LIG3: variants seen among roughly 807,000 people sequenced by gnomAD.
LIG3 encodes ligase II, DNA, ATP-dependent.
A neutral mutation model predicts 110.9 loss-of-function variants in LIG3; 58 were observed. That is an observed-to-expected ratio of 0.52 (90% CI 0.42 to 0.65). The LOEUF is 0.65. LIG3 is among the 30% of genes least tolerant of loss of function. LIG3 has a pLI of 0.00. For synonymous variants in LIG3, 422 were observed against 472.8 expected, an observed-to-expected ratio of 0.89 and a Z score of 1.39; for missense variants, 1,094 against 1,273.8, an observed-to-expected ratio of 0.86 and a Z score of 2.15.
intron 10 of LIG3, 164 bp from the exon 11 acceptor site, chr17:34,996,410 T>A: frequency 1.3e-6 from 1 of 785,428 alleles, no homozygotes; most frequent in Non-Finnish European, 2.0e-6. Context: ...TGGTTTCCAT[T>A]TAGCACTATC....
chr17:35,004,695 C>G lies in LIG3; in HGVS notation c.*189C>G. The G allele has an allele frequency of 1.7e-6, 1 of 581,158 alleles. No homozygotes were observed. Among genetic ancestry groups the G allele is most frequent in the Non-Finnish European group, 3.1e-6 (1 of 326,680 alleles). 36.0% of individuals were successfully genotyped at this position (581,158 alleles called of 1,614,324 possible). On this transcript the variant is annotated 3_prime_UTR_variant, in exon 20 of 20. Coordinates refer to ENST00000378526, the MANE Select transcript of LIG3 (RefSeq NM_013975.4). ...GGTGCCACAGCTGAAGTCAGTTTGT[C>G]TTGCTGGTTTAAATAGATCTTTCAG...
chr17:34,980,550 C>G lies in LIG3; in HGVS notation c.-77C>G. On this transcript the variant is annotated 5_prime_UTR_variant, in exon 1 of 20. Coordinates refer to ENST00000378526, the MANE Select transcript of LIG3 (RefSeq NM_013975.4). ...GATTTAAAGAGACAGGCGCTCCAACCGTCGTGGGCTGCCCGCGGCCTGTAA... is the reference window on the plus strand; with the variant it reads ...GATTTAAAGAGACAGGCGCTCCAACGGTCGTGGGCTGCCCGCGGCCTGTAA... 7.8e-7 allele frequency: 1 copy of G among 1,287,204 alleles called. No individual in the cohort carries two copies. Among genetic ancestry groups the G allele is most frequent in the Non-Finnish European group, 1.0e-6 (1 of 987,530 alleles). 79.7% of individuals were successfully genotyped at this position (1,287,204 alleles called of 1,614,324 possible).
At chr17:34,984,914 A>C (rs1332173696) in intron 2 of LIG3, among the ~76,000 whole-genome samples, 1 of 151,920 alleles carries the variant, frequency 6.6e-6, no homozygotes, top group Non-Finnish European at 1.5e-5. Context: ...AGTAGCTGGG[A>C]CTACAGGCAC....
rs1384049088 is a variant in LIG3 at position 35,009,655 on chromosome 17, A to G, written c.*5149A>G. On this transcript the variant is annotated 3_prime_UTR_variant, in exon 20 of 20. Coordinates refer to ENST00000378526, the MANE Select transcript of LIG3 (RefSeq NM_013975.4). Reference sequence around the variant, plus strand: ...AGGGAAACCTTCACCAAAAGGGGATAAAAGATTTAAAGGCAAAATGAGTAA... The same window carrying G: ...AGGGAAACCTTCACCAAAAGGGGATGAAAGATTTAAAGGCAAAATGAGTAA... 6.6e-6 allele frequency: 1 copy of G among 152,078 alleles called. No homozygotes were observed. Among genetic ancestry groups the G allele is most frequent in the East Asian group, 1.9e-4 (1 of 5,196 alleles). The allele number at this position is 152,078 out of a possible 1,614,324, so 9.4% of individuals were successfully genotyped here. A position where few individuals can be genotyped will look rare whatever the true frequency, so the allele number is the denominator to read the frequency against.
chr17:34,996,531 A>G, intron 10 of LIG3, 43 bp from the exon 11 acceptor site: 1 of 1,489,568 alleles, frequency 6.7e-7, no homozygotes, highest in Non-Finnish European at 9.3e-7. Flanking sequence ...TTTCACACTG[A>G]CTTTTGTCCT....
rs1245356049 is a variant in LIG3 at position 35,007,651 on chromosome 17, CTT to C, written c.*3148_*3149del. 1.3e-5 allele frequency: 2 copies of C among 152,222 alleles called. No individual in the cohort carries two copies. Among genetic ancestry groups the C allele is most frequent in the African/African-American group, 4.8e-5 (2 of 41,442 alleles). The allele number at this position is 152,222 out of a possible 1,614,324, so 9.4% of individuals were successfully genotyped here. Reference sequence around the variant, plus strand: ...TCCCAGGGGCTGCATTCTCAGTAGTCTTTTCCCTGCTCCTTGGGCGCCTGGTC... The same window carrying C: ...TCCCAGGGGCTGCATTCTCAGTAGTCTTCCCTGCTCCTTGGGCGCCTGGTC... On this transcript the variant is annotated 3_prime_UTR_variant, in exon 20 of 20. Transcript: ENST00000378526.
In LIG3 at chr17:35,006,513, C is replaced by T. The variant is rs1029748494; in HGVS notation, c.*2007C>T. 1 of 152,260 alleles carries T rather than the reference C, an allele frequency of 6.6e-6. No homozygotes were observed. Among genetic ancestry groups the T allele is most frequent in the Non-Finnish European group, 1.5e-5 (1 of 68,084 alleles). The allele number at this position is 152,260 out of a possible 1,614,324, so 9.4% of individuals were successfully genotyped here. A position where few individuals can be genotyped will look rare whatever the true frequency, so the allele number is the denominator to read the frequency against. On this transcript the variant is annotated 3_prime_UTR_variant, in exon 20 of 20. Transcript: ENST00000378526. ...GTCCTGAGCAACATTATGTAAAGCACTTAGCCCAGAGCCTAGCACATAGTT... is the reference window on the plus strand; with the variant it reads ...GTCCTGAGCAACATTATGTAAAGCATTTAGCCCAGAGCCTAGCACATAGTT...
Position 34,989,589 on chromosome 17 carries a change from T to C in LIG3, c.815T>C (p.Met272Thr). ...CGGGAGTTTCGAAAGTTATGCGCCATGGTGGCCGATAATCCTAGCTACAAC... is the reference window on the plus strand; with the variant it reads ...CGGGAGTTTCGAAAGTTATGCGCCACGGTGGCCGATAATCCTAGCTACAAC... ...LLREFRKLCA[M>T]VADNPSYNTK... The change falls in exon 4 of 20, where the codon ATG (methionine) becomes ACG (threonine). Residue 272 changes from methionine to threonine, a missense_variant. Transcript: ENST00000378526. The C allele has an allele frequency of 1.2e-6, 2 of 1,614,110 alleles. No homozygotes were observed. The highest frequency in any genetic ancestry group is 8.5e-7 in the Non-Finnish European group (1 of 1,180,020).
intron 19 of LIG3, chr17:35,003,760 G>T (rs1056750757): frequency 4.4e-5 from 7 of 158,950 alleles, no homozygotes; most frequent in Admixed American, 4.2e-4. Context: ...CGCCATCCAG[G>T]AGTAAGCATA....
At position 35,006,068 on chromosome 17, in the gene LIG3, C is replaced by G. The variant is rs2090893369; in HGVS notation, c.*1562C>G. 1 of 223,802 alleles carries G rather than the reference C, an allele frequency of 4.5e-6. No individual in the cohort carries two copies. The highest frequency in any genetic ancestry group is 6.4e-5 in the South Asian group (1 of 15,526). 13.9% of individuals were successfully genotyped at this position (223,802 alleles called of 1,614,324 possible). On this transcript the variant is annotated 3_prime_UTR_variant, in exon 20 of 20. Transcript: ENST00000378526. ...CAGGGAAAAAAATAAAAATCCACAC[C>G]TGAGAACAGATCCATACAACCTGCT...
At chr17:34,985,125 G>A (rs1489444819) in intron 2 of LIG3, among the ~76,000 whole-genome samples, 2 of 152,114 alleles carry the variant, frequency 1.3e-5, no homozygotes, top group South Asian at 2.1e-4. Flanking sequence ...AAATATGTGC[G>A]TGTATATGCA....
intron 10 of LIG3, 90 bp downstream of exon 10, chr17:34,996,285 A>G (rs781578966): frequency 2.8e-5 from 39 of 1,412,214 alleles, no homozygotes; most frequent in Non-Finnish European, 3.7e-5. Flanking sequence ...AAGGGAGGAA[A>G]TATCCCTTAG....
chr17:34,995,969 A>G (rs2090773246), intron 9 of LIG3, 95 bp from the exon 10 acceptor site: 3 of 1,475,924 alleles, frequency 2.0e-6, no homozygotes, highest in Middle Eastern at 2.4e-4. Context: ...ATGTTGTTCT[A>G]TATCCTGTCT....
intron 13 of LIG3, 137 bp from the exon 14 acceptor site, chr17:34,998,467 T>G: frequency 8.4e-7 from 1 of 1,185,566 alleles, no homozygotes; most frequent in Admixed American, 2.0e-5. Flanking sequence ...GTGTGTCTCC[T>G]ATAGTGCCTG....
In LIG3 at chr17:35,005,445, T is replaced by C. The variant is rs776118221; in HGVS notation, c.*939T>C. 29 of 560,300 alleles carry C rather than the reference T, an allele frequency of 5.2e-5. No homozygotes were observed. The highest frequency in any genetic ancestry group is 5.0e-4 in the Admixed American group (26 of 52,452). The allele number at this position is 560,300 out of a possible 1,614,324, so 34.7% of individuals were successfully genotyped here. ...TACTTCCTCATGACTGGAGGAATAA[T>C]TATATGATATTGTTGAACCCCCAAG... On this transcript the variant is annotated 3_prime_UTR_variant, in exon 20 of 20. Coordinates refer to ENST00000378526, the MANE Select transcript of LIG3 (RefSeq NM_013975.4).
chr17:34,986,672 C>A (rs747120408), intron 3 of LIG3, among the ~76,000 whole-genome samples: 22 of 152,240 alleles, frequency 1.4e-4, no homozygotes, highest in Admixed American at 2.6e-4. Context: ...TCTATCGCAG[C>A]GGAAAGATTT....
chr17:35,003,113 T>G, intron 19 of LIG3: 1 of 1,608,012 alleles, frequency 6.2e-7, no homozygotes, highest in Non-Finnish European at 8.5e-7. Context: ...AAGTCAAAAT[T>G]TACATTAAAG....
intron 4 of LIG3, 25 bp from the exon 5 acceptor site, chr17:34,990,938 C>T (rs2090712883): frequency 6.2e-7 from 1 of 1,609,966 alleles, no homozygotes; most frequent in East Asian, 2.2e-5. Flanking sequence ...CTCTATTTCT[C>T]AAGAAGGGTT....
At chr17:34,985,847 C>T (rs1247835635) in intron 2 of LIG3, 141 bp from the exon 3 acceptor site, 3 of 721,472 alleles carry the variant, frequency 4.2e-6, no homozygotes, top group Admixed American at 2.8e-5. Context: ...TCAAAAAATA[C>T]CAGCCACCAG....
Sources: gnomAD v4.1 joint callset for allele counts (sites outside exome capture counted in the v4.1 genomes callset) on GRCh38, gnomAD v4.1.1 for gene constraint, MANE v1.5 for transcripts, NCBI Gene and HGNC (gene_info 2026-07-23, HGNC 2026-07-21) for gene names.